The following KIF26B variants were observed in gnomAD, a reference collection of about 807,000 sequenced individuals.
The protein encoded by KIF26B is kinesin family member 26B.
Under a neutral mutation model 151.2 loss-of-function variants are expected in KIF26B, and 63 were observed. The ratio of observed to expected loss-of-function variants is 0.42; its 90% CI spans 0.34 to 0.51. KIF26B has a LOEUF of 0.51. Ranked by LOEUF, KIF26B falls within the 20% of genes least tolerant of loss-of-function variation. The pLI is 0.07. For missense variants in KIF26B, 2,813 were observed against 2,913.6 expected (o/e 0.97, Z 0.79); for synonymous variants, 1,357 against 1,262.1 (o/e 1.08, Z -1.59).
intron 10 of KIF26B, among the ~76,000 whole-genome samples, chr1:245,653,690 T>C (rs935287329): frequency 2.9e-4 from 44 of 152,236 alleles, no homozygotes; most frequent in African/African-American, 9.9e-4. Context: ...TCGGTCAACA[T>C]TTGTTGCAAT....
chr1:245,661,009 CAG>C lies in KIF26B; in HGVS notation c.2258+14732_2258+14733del, dbSNP rs1407484824. Among the ~76,000 whole-genome samples the C allele has an allele frequency of 8.4e-5, 12 of 143,590 alleles. No homozygotes were observed. The East Asian group carries it at 1.0e-3, about 13-fold the overall frequency. 94.2% of individuals were successfully genotyped at this position (143,590 alleles called of 152,430 possible). A position where few individuals can be genotyped will look rare whatever the true frequency, so the allele number is the denominator to read the frequency against. ...TTTTTCTTTTTTTTTTTTTTGGAGA[CAG>C]AGTCTCACTCTGTTGTCCGGGCTGG... On this transcript the variant is annotated intron_variant, in intron 10 of 14. Coordinates refer to ENST00000407071, the MANE Select transcript of KIF26B (RefSeq NM_018012.4).
chr1:245,524,945 G>C lies in KIF26B; in HGVS notation c.1167-15822G>C, dbSNP rs184931819. Among the ~76,000 whole-genome samples the C allele has an allele frequency of 2.9e-3, 440 of 152,068 alleles. 2 individuals are homozygous for C. The highest frequency in any genetic ancestry group is 9.8e-3 in the African/African-American group (407 of 41,458). On this transcript the variant is annotated intron_variant, in intron 4 of 14. Coordinates refer to ENST00000407071, the MANE Select transcript of KIF26B (RefSeq NM_018012.4). The stretch of plus-strand genomic sequence containing the variant: ...ATTCTCTGTCTTTTTTGGTCTCTCA[G>C]GGGCATTTAACATTCTTAGCCACTT...
intron 3 of KIF26B, among the ~76,000 whole-genome samples, chr1:245,413,309 C>G (rs1674332538): frequency 6.6e-6 from 1 of 152,130 alleles, no homozygotes; most frequent in Non-Finnish European, 1.5e-5. Flanking sequence ...CACAGTATCG[C>G]AAGAGAAGAA....
intron 5 of KIF26B, among the ~76,000 whole-genome samples, chr1:245,600,124 C>T (rs530686245): frequency 5.6e-5 from 8 of 142,090 alleles, no homozygotes; most frequent in South Asian, 2.3e-4. Context: ...CCACAACCTC[C>T]GCTTCCCGGG....
chr1:245,479,317 G>A (rs541511768), intron 4 of KIF26B, among the ~76,000 whole-genome samples: 7 of 151,906 alleles, frequency 4.6e-5, no homozygotes, highest in East Asian at 3.9e-4. Context: ...AACAGACATC[G>A]CAGATAAGCT....
intron 2 of KIF26B, among the ~76,000 whole-genome samples, chr1:245,178,505 CTTTT>C (rs1345702601): frequency 6.6e-6 from 1 of 151,984 alleles, no homozygotes; most frequent in Non-Finnish European, 1.5e-5. Context: ...CATGTTATTC[CTTTT>C]TAAGCGTATG....
At position 245,611,819 on chromosome 1, in the gene KIF26B, C is replaced by T. The variant is rs1251547577; in HGVS notation, c.1941C>T (p.Ala647=). The T allele has an allele frequency of 1.2e-6, 2 of 1,613,742 alleles. No individual in the cohort carries two copies. Among genetic ancestry groups the T allele is most frequent in the African/African-American group, 2.7e-5 (2 of 74,996 alleles). ...TQLQNQSELR[A]PTAEKAAFFL... ...TGCAGAACCAGAGCGAGCTGCGGGCCCCCACCGCAGAGAAGGCTGCCTTTT... is the reference window on the plus strand; with the variant it reads ...TGCAGAACCAGAGCGAGCTGCGGGCTCCCACCGCAGAGAAGGCTGCCTTTT... Residue 647 remains alanine, a synonymous_variant, in exon 9 of 15, where the codon GCC becomes GCT. Coordinates refer to ENST00000407071, the MANE Select transcript of KIF26B (RefSeq NM_018012.4).
At chr1:245,623,915 C>T (rs2043692925) in intron 9 of KIF26B, among the ~76,000 whole-genome samples, 1 of 152,142 alleles carries the variant, frequency 6.6e-6, no homozygotes, top group Non-Finnish European at 1.5e-5. Context: ...GCTCTGTCCT[C>T]GCCCAAATTT....
At chr1:245,214,754 C>T (rs61832172) in intron 2 of KIF26B, among the ~76,000 whole-genome samples, 9,369 of 152,010 alleles carry the variant, frequency 0.062, 363 homozygotes, top group Middle Eastern at 0.15. Flanking sequence ...GCAGGAGAAT[C>T]GCTTGAACCC....
At chr1:245,700,941 T>G (rs2044762466) in intron 14 of KIF26B, among the ~76,000 whole-genome samples, 1 of 152,194 alleles carries the variant, frequency 6.6e-6, no homozygotes, top group Non-Finnish European at 1.5e-5. Flanking sequence ...GTCAGTTCTC[T>G]CTCCTTCATT....
At chr1:245,226,420 C>G (rs1383652417) in intron 2 of KIF26B, among the ~76,000 whole-genome samples, 2 of 152,048 alleles carry the variant, frequency 1.3e-5, no homozygotes, top group Non-Finnish European at 2.9e-5. Context: ...TGTTGGGCAT[C>G]TCAGCCCTCA....
At chr1:245,699,691 A>G (rs889497185) in intron 14 of KIF26B, among the ~76,000 whole-genome samples, 40 of 152,234 alleles carry the variant, frequency 2.6e-4, no homozygotes, top group Non-Finnish European at 1.0e-4. Context: ...TTACACGGAT[A>G]TAGGAGCTAA....
intron 2 of KIF26B, among the ~76,000 whole-genome samples, chr1:245,362,515 C>T (rs999714644): frequency 2.6e-4 from 38 of 148,176 alleles, no homozygotes; most frequent in East Asian, 9.8e-4. Context: ...TCCAGTCTTG[C>T]GACAGAGCAA....
At chr1:245,456,432 A>G (rs1293342166) in intron 4 of KIF26B, among the ~76,000 whole-genome samples, 1 of 152,250 alleles carries the variant, frequency 6.6e-6, no homozygotes, top group East Asian at 1.9e-4. Context: ...GCCAAATTCT[A>G]CACCAGCACT....
chr1:245,634,107 C>A (rs2043809578), intron 9 of KIF26B, among the ~76,000 whole-genome samples: 1 of 152,196 alleles, frequency 6.6e-6, no homozygotes, highest in Non-Finnish European at 1.5e-5. Flanking sequence ...AGGCACCACA[C>A]CCAGCCTTAT....
At chr1:245,696,864 C>CT (rs927394963) in intron 12 of KIF26B, among the ~76,000 whole-genome samples, 3 of 152,172 alleles carry the variant, frequency 2.0e-5, no homozygotes, top group African/African-American at 7.2e-5. Flanking sequence ...AATCCCAACA[C>CT]TTTGGGAGGC....
chr1:245,198,726 CAA>C (rs543858366), intron 2 of KIF26B, among the ~76,000 whole-genome samples: 19 of 97,840 alleles, frequency 1.9e-4, no homozygotes, highest in Admixed American at 3.3e-4. Flanking sequence ...GACTCCGTCT[CAA>C]AAAAAAAAAA....
intron 10 of KIF26B, among the ~76,000 whole-genome samples, chr1:245,647,139 TTG>T (rs1347539866): frequency 2.0e-5 from 3 of 152,172 alleles, no homozygotes; most frequent in Non-Finnish European, 4.4e-5. Context: ...TAAAAGTTTA[TTG>T]TAGGCTGGGT....
chr1:245,245,389 T>A (rs1670308500), intron 2 of KIF26B, among the ~76,000 whole-genome samples: 1 of 152,084 alleles, frequency 6.6e-6, no homozygotes, highest in African/African-American at 2.4e-5. Context: ...CTGAATGGGG[T>A]GATGCCTGGT....
Sources: gnomAD v4.1 joint callset for allele counts (sites outside exome capture counted in the v4.1 genomes callset) on GRCh38, gnomAD v4.1.1 for gene constraint, MANE v1.5 for transcripts, NCBI Gene and HGNC (gene_info 2026-07-23, HGNC 2026-07-21) for gene names.